The following GRAMD4 variants were observed in gnomAD, a reference collection of about 807,000 sequenced individuals.
GRAMD4 encodes the protein GRAM domain-containing protein 4.
Under a neutral mutation model 83.9 loss-of-function variants are expected in GRAMD4, and 25 were observed. The observed-to-expected ratio is 0.30, with a 90% CI of 0.22 to 0.42. The LOEUF (loss-of-function observed/expected upper bound fraction) is 0.42, where lower values mean the gene tolerates loss of function less well. Ranked by LOEUF, GRAMD4 falls within the 10% of genes least tolerant of loss-of-function variation. GRAMD4 has a pLI of 1.00. For synonymous variants in GRAMD4, 336 were observed against 320.9 expected, an observed-to-expected ratio of 1.05 and a Z score of -0.50; for missense variants, 593 against 788.7, an observed-to-expected ratio of 0.75 and a Z score of 2.97.
intron 1 of GRAMD4, among the ~76,000 whole-genome samples, chr22:46,603,578 G>A (rs1379415871): frequency 5.0e-5 from 6 of 120,278 alleles, no homozygotes; most frequent in East Asian, 2.6e-4. Flanking sequence ...GTGCAGTGGC[G>A]CGATCCTGGC....
rs997235024 is a variant in GRAMD4 at position 46,679,233 on chromosome 22, A to G, written c.*1982A>G. ...CCTAGGTGCTGGGATTCAGTCCCCA[A>G]ACACAGCGGGAGGGGTCCCTGGGGC... On this transcript the variant is annotated 3_prime_UTR_variant, in exon 19 of 19. Transcript: ENST00000406902. 2.0e-6 allele frequency: 2 copies of G among 985,446 alleles called. No homozygotes were observed. The highest frequency in any genetic ancestry group is 1.7e-5 in the African/African-American group (1 of 57,260). 61.0% of individuals were successfully genotyped at this position (985,446 alleles called of 1,614,324 possible).
intron 1 of GRAMD4, among the ~76,000 whole-genome samples, chr22:46,603,759 G>A (rs943554157): frequency 1.3e-5 from 2 of 151,394 alleles, no homozygotes; most frequent in Non-Finnish European, 2.9e-5. Context: ...CTCCTGATCC[G>A]CCCGCCTCGG....
upstream of GRAMD4, among the ~76,000 whole-genome samples, chr22:46,619,821 G>C (rs2081548299): frequency 6.6e-6 from 1 of 152,326 alleles, no homozygotes; most frequent in Non-Finnish European, 1.5e-5. Flanking sequence ...GCCAGGTGGG[G>C]GCTGGGGCCC....
At chr22:46,646,368 A>G (rs996604656) in intron 3 of GRAMD4, among the ~76,000 whole-genome samples, 7 of 152,136 alleles carry the variant, frequency 4.6e-5, no homozygotes, top group African/African-American at 1.7e-4. Context: ...CCCTTACGCC[A>G]TGGGAGATCT....
intron 1 of GRAMD4, among the ~76,000 whole-genome samples, chr22:46,593,165 C>CCAGT (rs367972511): frequency 8.5e-5 from 13 of 152,220 alleles, no homozygotes; most frequent in African/African-American, 3.1e-4. Context: ...TTCCTCTTTA[C>CCAGT]CAGTACCAGT....
intron 5 of GRAMD4, among the ~76,000 whole-genome samples, chr22:46,662,344 T>G (rs1038287299): frequency 1.3e-5 from 2 of 152,330 alleles, no homozygotes; most frequent in East Asian, 1.9e-4. Context: ...CCCAAAACTT[T>G]GGCGAGGCAG....
chr22:46,642,954 C>CCATCCATCCAT (rs2081993937), intron 3 of GRAMD4, among the ~76,000 whole-genome samples: 1 of 32,780 alleles, frequency 3.1e-5, no homozygotes, highest in African/African-American at 1.1e-4. Flanking sequence ...CATCCATCCA[C>CCATCCATCCAT]GCATGCATCT....
chr22:46,586,753 C>T (rs373918678), intron 1 of GRAMD4, among the ~76,000 whole-genome samples: 1 of 152,202 alleles, frequency 6.6e-6, no homozygotes, highest in Non-Finnish European at 1.5e-5. Context: ...CTGGGGAAAG[C>T]GGCCCTGGGG....
chr22:46,645,563 C>T (rs752410790), intron 3 of GRAMD4, among the ~76,000 whole-genome samples: 29 of 152,192 alleles, frequency 1.9e-4, no homozygotes, highest in Admixed American at 6.5e-5. Flanking sequence ...GTGTTAAAAT[C>T]CCACTCAATT....
chr22:46,681,486 G>C (rs2082671057), downstream of GRAMD4, among the ~76,000 whole-genome samples: 1 of 152,184 alleles, frequency 6.6e-6, no homozygotes, highest in Admixed American at 6.5e-5. Flanking sequence ...ACCTTACTCA[G>C]CGGCATCTCT....
downstream of GRAMD4, among the ~76,000 whole-genome samples, chr22:46,681,487 C>G (rs762347866): frequency 6.6e-6 from 1 of 152,206 alleles, no homozygotes. Context: ...CCTTACTCAG[C>G]GGCATCTCTC....
intron 3 of GRAMD4, among the ~76,000 whole-genome samples, chr22:46,646,655 T>G (rs1421810178): frequency 6.6e-6 from 1 of 152,256 alleles, no homozygotes; most frequent in African/African-American, 2.4e-5. Context: ...GTCCCTGGAC[T>G]TGCCCCTTTG....
At chr22:46,676,704 G>A in intron 18 of GRAMD4, 36 bp downstream of exon 18, 1 of 1,532,784 alleles carries the variant, frequency 6.5e-7, no homozygotes, top group Non-Finnish European at 8.8e-7. Flanking sequence ...AGGGGTTGGT[G>A]TGGGCCCAGG....
intron 3 of GRAMD4, among the ~76,000 whole-genome samples, chr22:46,650,697 C>T (rs540020609): frequency 4.6e-5 from 7 of 152,278 alleles, no homozygotes; most frequent in South Asian, 4.1e-4. Flanking sequence ...TCTGTGGGGG[C>T]GATTTCTATG....
chr22:46,598,672 A>G (rs772446433), intron 1 of GRAMD4, among the ~76,000 whole-genome samples: 16 of 151,630 alleles, frequency 1.1e-4, no homozygotes, highest in Non-Finnish European at 1.6e-4. Context: ...GAATGTGGGG[A>G]GACCCTGAGG....
Position 46,603,677 on chromosome 22 carries a change from T to C in GRAMD4, c.-49-23074T>C, listed in dbSNP as rs534210937. 3.1e-3 allele frequency among the ~76,000 whole-genome samples: 464 copies of C among 150,752 alleles called. 1 individual carries two copies. The highest frequency in any genetic ancestry group is 5.3e-3 in the Non-Finnish European group (357 of 67,744). ...GATTACAGGCGCCCACCACCACGCC[T>C]GGCTATTTTTTTGTATTTTTAGTAG... On this transcript the variant is annotated intron_variant, in intron 1 of 1. Coordinates refer to the GRAMD4 transcript ENST00000431155.
exon 1 of GRAMD4, chr22:46,577,183 C>G: frequency 1.5e-6 from 1 of 676,624 alleles, no homozygotes; most frequent in Non-Finnish European, 1.8e-6. Flanking sequence ...TCCCGGCTCC[C>G]CGGCGCCGCT....
Position 46,679,100 on chromosome 22 carries a change from G to A in GRAMD4, c.*1849G>A. On this transcript the variant is annotated 3_prime_UTR_variant, in exon 19 of 19. Coordinates refer to ENST00000406902, the MANE Select transcript of GRAMD4 (RefSeq NM_015124.5). ...CAGGGTGGGCACTGACCCACCCCCAGGGGCGGCTGCAGAGGCAGTGCCCGC... is the reference window on the plus strand; with the variant it reads ...CAGGGTGGGCACTGACCCACCCCCAAGGGCGGCTGCAGAGGCAGTGCCCGC... 1 of 985,570 alleles carries A rather than the reference G, an allele frequency of 1.0e-6. No homozygotes were observed. Among genetic ancestry groups the A allele is most frequent in the Non-Finnish European group, 1.2e-6 (1 of 829,984 alleles). 61.1% of individuals were successfully genotyped at this position (985,570 alleles called of 1,614,324 possible).
chr22:46,597,710 C>A (rs1467884367), intron 1 of GRAMD4, among the ~76,000 whole-genome samples: 1 of 152,028 alleles, frequency 6.6e-6, no homozygotes, highest in South Asian at 2.1e-4. Flanking sequence ...AGGATGGTCT[C>A]GATCTCCTGA....
Sources: gnomAD v4.1 joint callset for allele counts (sites outside exome capture counted in the v4.1 genomes callset) on GRCh38, gnomAD v4.1.1 for gene constraint, MANE v1.5 for transcripts, NCBI Gene and HGNC (gene_info 2026-07-23, HGNC 2026-07-21) for gene names.